Variants in HNRNPA0 observed in about 807,000 individuals in gnomAD.
HNRNPA0 encodes hnRNA binding protein.
For missense variants in HNRNPA0, 252 were observed against 433.7 expected (o/e 0.58, Z 3.72); for synonymous variants, 243 against 195.5 (o/e 1.24, Z -2.03).
In HNRNPA0 at chr5:137,754,356, A is replaced by C; in HGVS notation, c.-290T>G. On this transcript the variant is annotated 5_prime_UTR_variant, in exon 1 of 1. Coordinates refer to ENST00000314940, the MANE Select transcript of HNRNPA0 (RefSeq NM_006805.4). ...CTCCGCTCCCCTATCTGGGCACCACACAAAGAGGCCGCTGAACGCGCGCGC... is the reference window on the plus strand; with the variant it reads ...CTCCGCTCCCCTATCTGGGCACCACCCAAAGAGGCCGCTGAACGCGCGCGC... 1 of 420,322 alleles carries C rather than the reference A, an allele frequency of 2.4e-6. No homozygotes were observed. Among genetic ancestry groups the C allele is most frequent in the Non-Finnish European group, 4.5e-6 (1 of 223,454 alleles). The allele number at this position is 420,322 out of a possible 1,614,324, so 26.0% of individuals were successfully genotyped here.
At position 137,752,893 on chromosome 5, in the gene HNRNPA0, A is replaced by T; in HGVS notation, c.*256T>A. 4.9e-6 allele frequency: 2 copies of T among 408,216 alleles called. No homozygotes were observed. Among genetic ancestry groups the T allele is most frequent in the Non-Finnish European group, 8.7e-6 (2 of 230,310 alleles). The allele number at this position is 408,216 out of a possible 1,614,324, so 25.3% of individuals were successfully genotyped here. ...AACGACCAAGGTCCAAGTAATAATA[A>T]AAAAATAGAGTCCATCAATGACTGT... On this transcript the variant is annotated 3_prime_UTR_variant, in exon 1 of 1. Transcript: ENST00000314940.
chr5:137,753,642 C>G lies in HNRNPA0; in HGVS notation c.425G>C (p.Gly142Ala). 1.2e-6 allele frequency: 2 copies of G among 1,614,152 alleles called. No homozygotes were observed. The highest frequency in any genetic ancestry group is 1.7e-6 in the Non-Finnish European group (2 of 1,180,042). Residue 142 changes from glycine to alanine, a missense_variant, in exon 1 of 1, where the codon GGC becomes GCC. By Grantham distance (60) the Gly-to-Ala change is moderately conservative. Coordinates refer to ENST00000314940, the MANE Select transcript of HNRNPA0 (RefSeq NM_006805.4). This position sits in a 1 kb window ranked among gnomAD's most constrained non-coding sequence, Gnocchi z 6.1. ...DKQSGKKRGF[G>A]FVYFQNHDAA... is the part of the protein sequence containing the mutation. ...GTCGTGATTCTGGAAATACACGAAG[C>G]CGAATCCACGCTTCTTGCCGGACTG...
chr5:137,753,582 G>A lies in HNRNPA0; in HGVS notation c.485C>T (p.Pro162Leu), dbSNP rs1753550819. The change falls in exon 1 of 1, where the codon CCG becomes CTG. Residue 162 changes from proline to leucine, a missense_variant. By Grantham distance (98) the Pro-to-Leu change is moderately conservative. Transcript: ENST00000314940. The surrounding 1 kb of genome is among the most constrained non-coding windows in gnomAD (Gnocchi z 6.1). ...ADKAAVVKFH[P>L]IQGHRVEVKK... The stretch of plus-strand genomic sequence containing the variant: ...CACCTCCACGCGATGGCCCTGAATC[G>A]GATGGAACTTGACCACCGCGGCCTT... 3 of 1,614,016 alleles carry A rather than the reference G, an allele frequency of 1.9e-6. No homozygotes were observed. Among genetic ancestry groups the A allele is most frequent in the Non-Finnish European group, 2.5e-6 (3 of 1,179,958 alleles).
chr5:137,750,839 A>G lies in HNRNPA0; in HGVS notation c.*2310T>C, dbSNP rs897498272. The G allele has an allele frequency of 6.6e-6, 1 of 152,218 alleles. No homozygotes were observed. The highest frequency in any genetic ancestry group is 1.5e-5 in the Non-Finnish European group (1 of 68,030). 9.4% of individuals were successfully genotyped at this position (152,218 alleles called of 1,614,324 possible). On this transcript the variant is annotated 3_prime_UTR_variant, in exon 1 of 1. Coordinates refer to ENST00000314940, the MANE Select transcript of HNRNPA0 (RefSeq NM_006805.4). The stretch of plus-strand genomic sequence containing the variant: ...ATTTGCAAACTTTAGAAGCCACTAT[A>G]TTCCCATGTTGGGAATAATATGACA...
In HNRNPA0 at chr5:137,746,648, C is replaced by T. The variant is rs1753413712; in HGVS notation, c.*6501G>A. The stretch of plus-strand genomic sequence containing the variant: ...ATGCTATCCTCACAAACATCCCTTG[C>T]AACAATCGCCATTCCTCACCCTAAT... On this transcript the variant is annotated 3_prime_UTR_variant, in exon 1 of 1. Transcript: ENST00000314940. The T allele has an allele frequency of 6.6e-6, 1 of 152,220 alleles. No individual in the cohort carries two copies. Among genetic ancestry groups the T allele is most frequent in the Non-Finnish European group, 1.5e-5 (1 of 68,040 alleles). The allele number at this position is 152,220 out of a possible 1,614,324, so 9.4% of individuals were successfully genotyped here.
At position 137,753,501 on chromosome 5, in the gene HNRNPA0, C is replaced by A. The variant is rs1160980248; in HGVS notation, c.566G>T (p.Arg189Leu). ...IYSGGGGGGS[R>L]SSRGGRGGRG... Reference sequence around the variant, plus strand: ...GCCGCCTCGGCCGCCCCGGGAGGATCGGGAGCCGCCTCCACCCCCACCGGA... The same window carrying A: ...GCCGCCTCGGCCGCCCCGGGAGGATAGGGAGCCGCCTCCACCCCCACCGGA... The change falls in exon 1 of 1, where the codon CGA becomes CTA. Residue 189 changes from arginine to leucine, a missense_variant. Arg to Leu is a moderately radical substitution (Grantham distance 102). Transcript: ENST00000314940. This position sits in a 1 kb window ranked among gnomAD's most constrained non-coding sequence, Gnocchi z 6.1. 1.3e-6 allele frequency: 2 copies of A among 1,595,778 alleles called. No homozygotes were observed.
rs1339588002 is a variant in HNRNPA0 at position 137,748,406 on chromosome 5, C to T, written c.*4743G>A. Reference sequence around the variant, plus strand: ...GATTTAGAGAACTACCACATGGAAGCTCACCCAGCAAGTAAAGAGCAAAGC... The same window carrying T: ...GATTTAGAGAACTACCACATGGAAGTTCACCCAGCAAGTAAAGAGCAAAGC... On this transcript the variant is annotated 3_prime_UTR_variant, in exon 1 of 1. Coordinates refer to ENST00000314940, the MANE Select transcript of HNRNPA0 (RefSeq NM_006805.4). 1 of 152,126 alleles carries T rather than the reference C, an allele frequency of 6.6e-6. No individual in the cohort carries two copies. The highest frequency in any genetic ancestry group is 2.4e-5 in the African/African-American group (1 of 41,416). The allele number at this position is 152,126 out of a possible 1,614,324, so 9.4% of individuals were successfully genotyped here. A position where few individuals can be genotyped will look rare whatever the true frequency, so the allele number is the denominator to read the frequency against.
At position 137,753,002 on chromosome 5, in the gene HNRNPA0, A is replaced by G; in HGVS notation, c.*147T>C. ...GGCAGGCAAATAGAGGAACACCCCCAAGGGTAAGCAGCCTTAGAAGTGGCT... is the reference window on the plus strand; with the variant it reads ...GGCAGGCAAATAGAGGAACACCCCCGAGGGTAAGCAGCCTTAGAAGTGGCT... On this transcript the variant is annotated 3_prime_UTR_variant, in exon 1 of 1. Coordinates refer to ENST00000314940, the MANE Select transcript of HNRNPA0 (RefSeq NM_006805.4). This position sits in a 1 kb window ranked among gnomAD's most constrained non-coding sequence, Gnocchi z 6.1. 1.3e-6 allele frequency: 1 copy of G among 779,108 alleles called. No individual in the cohort carries two copies. 48.3% of individuals were successfully genotyped at this position (779,108 alleles called of 1,614,324 possible).
chr5:137,748,130 C>T lies in HNRNPA0; in HGVS notation c.*5019G>A, dbSNP rs1012504207. On this transcript the variant is annotated 3_prime_UTR_variant, in exon 1 of 1. Transcript: ENST00000314940. ...TCCAATATGCATACTTCTCCAAATA[C>T]GCTCCATGTTTCTGCCTATCTGTCC... The T allele has an allele frequency of 6.6e-6, 1 of 152,156 alleles. No individual in the cohort carries two copies. The highest frequency in any genetic ancestry group is 6.6e-5 in the Admixed American group (1 of 15,262). The allele number at this position is 152,156 out of a possible 1,614,324, so 9.4% of individuals were successfully genotyped here. A position where few individuals can be genotyped will look rare whatever the true frequency, so the allele number is the denominator to read the frequency against.
In HNRNPA0 at chr5:137,747,520, T is replaced by C. The variant is rs1165943261; in HGVS notation, c.*5629A>G. On this transcript the variant is annotated 3_prime_UTR_variant, in exon 1 of 1. Transcript: ENST00000314940. ...CACACAGTAATTTTGATTAATCTAC[T>C]CTCTCTTCCTCATTCTTCATATATC... The C allele has an allele frequency of 6.6e-6, 1 of 152,238 alleles. No individual in the cohort carries two copies. Among genetic ancestry groups the C allele is most frequent in the African/African-American group, 2.4e-5 (1 of 41,466 alleles). 9.4% of individuals were successfully genotyped at this position (152,238 alleles called of 1,614,324 possible).
Position 137,754,340 on chromosome 5 carries a change from C to G in HNRNPA0, c.-274G>C, listed in dbSNP as rs923444744. On this transcript the variant is annotated 5_prime_UTR_variant, in exon 1 of 1. Coordinates refer to ENST00000314940, the MANE Select transcript of HNRNPA0 (RefSeq NM_006805.4). ...CCGCCGCCGCCGCCACCTCCGCTCCCCTATCTGGGCACCACACAAAGAGGC... is the reference window on the plus strand; with the variant it reads ...CCGCCGCCGCCGCCACCTCCGCTCCGCTATCTGGGCACCACACAAAGAGGC... The G allele has an allele frequency of 2.1e-6, 1 of 482,408 alleles. No homozygotes were observed. Among genetic ancestry groups the G allele is most frequent in the East Asian group, 3.6e-5 (1 of 27,994 alleles). The allele number at this position is 482,408 out of a possible 1,614,324, so 29.9% of individuals were successfully genotyped here.
rs750246484 is a variant in HNRNPA0 at position 137,753,713 on chromosome 5, G to A, written c.354C>T (p.Phe118=). 1.3e-5 allele frequency: 21 copies of A among 1,613,452 alleles called. No individual in the cohort carries two copies. The highest frequency in any genetic ancestry group is 2.7e-5 in the African/African-American group (2 of 74,938). ...CCTTTTCCACGGTGCCAAACTGCGAGAAGTGCTCGATCAGGTCGCCCTCAG... is the reference window on the plus strand; with the variant it reads ...CCTTTTCCACGGTGCCAAACTGCGAAAAGTGCTCGATCAGGTCGCCCTCAG... ...DVAEGDLIEH[F]SQFGTVEKAE... is the part of the protein sequence containing the mutation. The change falls in exon 1 of 1, where the codon TTC becomes TTT. Residue 118 remains phenylalanine, a synonymous_variant. Transcript: ENST00000314940. The surrounding 1 kb of genome is among the most constrained non-coding windows in gnomAD (Gnocchi z 6.1).
chr5:137,753,239 ACCGCCG>A lies in HNRNPA0; in HGVS notation c.822_827del (p.Gly277_Gly278del), dbSNP rs750002989. 5.0e-6 allele frequency: 8 copies of A among 1,604,298 alleles called. No homozygotes were observed. In the Admixed American group the frequency reaches 5.0e-5, roughly 10 times the overall value. ...TGCGACCGCCCCAGCTACTGCCTCCACCGCCGCCGCCGCCGCCGCTCTTCATGGGCC... is the reference window on the plus strand; with the variant it reads ...TGCGACCGCCCCAGCTACTGCCTCCACCGCCGCCGCCGCTCTTCATGGGCC... On this transcript the variant is annotated inframe_deletion, in exon 1 of 1. Transcript: ENST00000314940. The surrounding 1 kb of genome is among the most constrained non-coding windows in gnomAD (Gnocchi z 6.1).
rs200285354 is a variant in HNRNPA0 at position 137,753,974 on chromosome 5, C to T, written c.93G>A (p.Gly31=). Residue 31 remains glycine, a synonymous_variant, in exon 1 of 1, where the codon GGG becomes GGA. Transcript: ENST00000314940. The surrounding 1 kb of genome is among the most constrained non-coding windows in gnomAD (Gnocchi z 6.1). ...SGLRGHFEAF[G]TLTDCVVVVN... is the part of the protein sequence containing the mutation. The stretch of plus-strand genomic sequence containing the variant: ...CCACCACCACGCAGTCCGTCAGAGT[C>T]CCAAAGGCCTCAAAGTGGCCGCGCA... 1.2e-6 allele frequency: 2 copies of T among 1,614,170 alleles called. No homozygotes were observed. Among genetic ancestry groups the T allele is most frequent in the East Asian group, 2.2e-5 (1 of 44,856 alleles).
Position 137,753,745 on chromosome 5 carries a change from C to T in HNRNPA0, c.322G>A (p.Asp108Asn), listed in dbSNP as rs754599623. 2 of 1,612,476 alleles carry T rather than the reference C, an allele frequency of 1.2e-6. No homozygotes were observed. Among genetic ancestry groups the T allele is most frequent in the South Asian group, 2.2e-5 (2 of 91,090 alleles). The change falls in exon 1 of 1, where the codon GAC becomes AAC. Residue 108 changes from aspartate (D) to asparagine (N), a missense_variant. By Grantham distance (23) the Asp-to-Asn change is conservative. Transcript: ENST00000314940. The surrounding 1 kb of genome is among the most constrained non-coding windows in gnomAD (Gnocchi z 6.1). ...TCGATCAGGTCGCCCTCAGCCACGTCTCCTTTAAGGCCTCCGACAAAGAGC... is the reference window on the plus strand; with the variant it reads ...TCGATCAGGTCGCCCTCAGCCACGTTTCCTTTAAGGCCTCCGACAAAGAGC... ...KKLFVGGLKGDVAEGDLIEHF... is the reference protein window; with the variant it reads ...KKLFVGGLKGNVAEGDLIEHF...
rs367912022 is a variant in HNRNPA0 at position 137,753,278 on chromosome 5, G to C, written c.789C>G (p.Ser263=). 214 of 1,601,038 alleles carry C rather than the reference G, an allele frequency of 1.3e-4. No individual in the cohort carries two copies. The highest frequency in any genetic ancestry group is 9.1e-4 in the Admixed American group (53 of 58,324). The change falls in exon 1 of 1, where the codon TCC becomes TCG. Residue 263 remains serine (S), a synonymous_variant. Coordinates refer to ENST00000314940, the MANE Select transcript of HNRNPA0 (RefSeq NM_006805.4). The surrounding 1 kb of genome is among the most constrained non-coding windows in gnomAD (Gnocchi z 6.1). ...CGCCGCTCTTCATGGGCCCATAGGA[G>C]GACTGATGCTGGCTGTAGCTGCCGA... ...GGFGSYSQHQ[S]SYGPMKSGGG... is the part of the protein sequence containing the mutation.
rs373626240 is a variant in HNRNPA0, at chr5:137,749,870, T to A, written c.*3279A>T. 6.6e-6 allele frequency: 1 copy of A among 152,200 alleles called. No individual in the cohort carries two copies. The highest frequency in any genetic ancestry group is 2.4e-5 in the African/African-American group (1 of 41,464). The allele number at this position is 152,200 out of a possible 1,614,324, so 9.4% of individuals were successfully genotyped here. ...AATAACTGATACCATCACTTCTGGT[T>A]TTGAAGGAAATCATAAATGCAAATT... is the stretch of plus-strand genomic sequence containing the variant. On this transcript the variant is annotated 3_prime_UTR_variant, in exon 1 of 1. Transcript: ENST00000314940.
chr5:137,753,036 G>T lies in HNRNPA0; in HGVS notation c.*113C>A. ...CAGCCTTAGAAGTGGCTCCCCCAAG[G>T]GCAAAACAGGGAAGGCGGTGTGTGT... is the stretch of plus-strand genomic sequence containing the variant. On this transcript the variant is annotated 3_prime_UTR_variant, in exon 1 of 1. Transcript: ENST00000314940. This position sits in a 1 kb window ranked among gnomAD's most constrained non-coding sequence, Gnocchi z 6.1. 8.2e-7 allele frequency: 1 copy of T among 1,223,730 alleles called. No individual in the cohort carries two copies. Among genetic ancestry groups the T allele is most frequent in the South Asian group, 1.5e-5 (1 of 66,856 alleles). 75.8% of individuals were successfully genotyped at this position (1,223,730 alleles called of 1,614,324 possible).
In HNRNPA0 at chr5:137,746,401, G is replaced by T. The variant is rs1161259455; in HGVS notation, c.*6748C>A. ...ATCCCTACATGATCTGGCCCCTCTG[G>T]CCTCATTATTCCTTTCCTCCTCTTC... On this transcript the variant is annotated 3_prime_UTR_variant, in exon 1 of 1. Transcript: ENST00000314940. 1.3e-5 allele frequency: 2 copies of T among 152,052 alleles called. No individual in the cohort carries two copies. 9.4% of individuals were successfully genotyped at this position (152,052 alleles called of 1,614,324 possible).
Sources: gnomAD v4.1 joint callset for allele counts on GRCh38, gnomAD v4.1.1 for gene constraint, Gnocchi (gnomAD v3.1) non-coding constraint, MANE v1.5 for transcripts, NCBI Gene and HGNC (gene_info 2026-07-23, HGNC 2026-07-21) for gene names.